The following PACRG variants were observed in gnomAD, a reference collection of about 807,000 sequenced individuals.
PACRG encodes parkin coregulated gene protein.
In PACRG, 29 loss-of-function variants were observed where a neutral mutation model predicts 29.7. The ratio of observed to expected loss-of-function variants is 0.98; its 90% CI spans 0.73 to 1.33. The LOEUF is 1.33. Among genes scored for constraint, PACRG ranks in the 40% most tolerant of loss-of-function variants. PACRG has a pLI of 0.00. For synonymous variants in PACRG, 116 were observed against 118.7 expected (o/e 0.98, Z 0.15); for missense variants, 279 against 316.2 (o/e 0.88, Z 0.89).
chr6:163,102,672 G>T (rs924234250), intron 4 of PACRG, among the ~76,000 whole-genome samples: 7 of 152,150 alleles, frequency 4.6e-5, no homozygotes, highest in Non-Finnish European at 1.0e-4. Context: ...CAACCAAAGC[G>T]CATTAGAGAC....
At chr6:162,972,692 C>T (rs899894088) in intron 2 of PACRG, among the ~76,000 whole-genome samples, 4 of 152,122 alleles carry the variant, frequency 2.6e-5, no homozygotes, top group African/African-American at 9.7e-5. Context: ...ACGAGAAGAT[C>T]CCATAACACA....
At chr6:162,898,945 A>G (rs988526731) in intron 2 of PACRG, among the ~76,000 whole-genome samples, 5 of 152,232 alleles carry the variant, frequency 3.3e-5, no homozygotes, top group Non-Finnish European at 7.3e-5. Context: ...TAGTATCTAG[A>G]CACATTATTT....
intron 1 of PACRG, among the ~76,000 whole-genome samples, chr6:162,735,512 A>C (rs557580374): frequency 6.6e-6 from 1 of 152,282 alleles, no homozygotes; most frequent in African/African-American, 2.4e-5. Context: ...ACTTCTTCAT[A>C]TATTTACTGT....
At chr6:163,101,177 A>G in intron 4 of PACRG, 2 of 984,228 alleles carry the variant, frequency 2.0e-6, no homozygotes, top group Non-Finnish European at 2.4e-6. Context: ...AAAACCCTAC[A>G]TTTCATCTTA....
chr6:163,174,475 GTTTT>G (rs1779249586), intron 4 of PACRG, among the ~76,000 whole-genome samples: 1 of 152,158 alleles, frequency 6.6e-6, no homozygotes, highest in Non-Finnish European at 1.5e-5. Flanking sequence ...ATATCACTTT[GTTTT>G]TACCATAGAG....
intron 1 of PACRG, among the ~76,000 whole-genome samples, chr6:162,771,652 A>G (rs1183103130): frequency 2.0e-5 from 3 of 152,180 alleles, no homozygotes; most frequent in Non-Finnish European, 4.4e-5. Flanking sequence ...CTGTCAAGAA[A>G]AAAAGAAATG....
chr6:163,294,784 T>A (rs1229981520), intron 4 of PACRG, among the ~76,000 whole-genome samples: 1 of 151,564 alleles, frequency 6.6e-6, no homozygotes, highest in Non-Finnish European at 1.5e-5. Flanking sequence ...AGGAAAACAG[T>A]TTTCATCTGA....
At chr6:162,825,933 A>AT (rs373165751) in intron 2 of PACRG, among the ~76,000 whole-genome samples, 6 of 151,430 alleles carry the variant, frequency 4.0e-5, no homozygotes, top group South Asian at 2.1e-4. Context: ...CTATGCATTT[A>AT]TTTATTTTAT....
chr6:162,792,354 G>A lies in PACRG; in HGVS notation c.157-21793G>A, dbSNP rs566188704. 2.6e-5 allele frequency among the ~76,000 whole-genome samples: 4 copies of A among 152,298 alleles called. No individual in the cohort carries two copies. The East Asian group carries it at 5.8e-4, about 22-fold the overall frequency. On this transcript the variant is annotated intron_variant, in intron 1 of 4. Transcript: ENST00000366888. The stretch of plus-strand genomic sequence containing the variant: ...AGAAGGGAAATAATTGGATTTTCAG[G>A]ATTTTATAGCGAAAGTTTCAGGGTT...
At chr6:163,076,440 T>A (rs1812549408) in intron 3 of PACRG, among the ~76,000 whole-genome samples, 1 of 152,120 alleles carries the variant, frequency 6.6e-6, no homozygotes, top group Admixed American at 6.5e-5. Context: ...TTTACCTGCT[T>A]TCTGCTGCCC....
At chr6:163,112,854 A>T (rs1021714664) in intron 4 of PACRG, among the ~76,000 whole-genome samples, 1 of 152,236 alleles carries the variant, frequency 6.6e-6, no homozygotes. Flanking sequence ...ATACAAAGAA[A>T]CAGGAAAGTA....
intron 4 of PACRG, among the ~76,000 whole-genome samples, chr6:163,158,718 G>T (rs907428573): frequency 6.6e-6 from 1 of 152,148 alleles, no homozygotes; most frequent in Non-Finnish European, 1.5e-5. Context: ...TCTTGAATTA[G>T]ACATTACTAG....
chr6:163,139,270 C>G (rs919394283), intron 4 of PACRG, among the ~76,000 whole-genome samples: 4 of 152,162 alleles, frequency 2.6e-5, no homozygotes, highest in African/African-American at 9.7e-5. Flanking sequence ...TGTCCAAATC[C>G]CCCTCTGCTT....
intron 2 of PACRG, among the ~76,000 whole-genome samples, chr6:163,020,132 T>G (rs1806477060): frequency 6.6e-6 from 1 of 152,236 alleles, no homozygotes; most frequent in South Asian, 2.1e-4. Context: ...ACATAATACT[T>G]TCAGTCTCTA....
At chr6:163,265,149 C>T (rs753161818) in intron 4 of PACRG, among the ~76,000 whole-genome samples, 1 of 152,178 alleles carries the variant, frequency 6.6e-6, no homozygotes, top group Non-Finnish European at 1.5e-5. Context: ...CAGGCATGTG[C>T]GAATGAGTGG....
intron 4 of PACRG, among the ~76,000 whole-genome samples, chr6:163,270,389 A>T (rs1222142691): frequency 2.0e-5 from 3 of 152,060 alleles, no homozygotes; most frequent in Non-Finnish European, 4.4e-5. Flanking sequence ...TTTAAATTTC[A>T]GTGATAAGGT....
intron 1 of PACRG, among the ~76,000 whole-genome samples, chr6:162,769,125 G>A (rs1358566458): frequency 6.6e-6 from 1 of 152,116 alleles, no homozygotes; most frequent in African/African-American, 2.4e-5. Context: ...CAGTAAAACA[G>A]CATATGGGGG....
intron 4 of PACRG, among the ~76,000 whole-genome samples, chr6:163,109,208 G>A (rs1038378948): frequency 1.3e-5 from 2 of 152,194 alleles, no homozygotes; most frequent in African/African-American, 4.8e-5. Flanking sequence ...GAATCCAATG[G>A]TGTACTCTTT....
chr6:162,882,251 A>G (rs1405482503), intron 2 of PACRG, among the ~76,000 whole-genome samples: 1 of 132,680 alleles, frequency 7.5e-6, no homozygotes, highest in Non-Finnish European at 1.6e-5. Flanking sequence ...AAGAATACAG[A>G]TCCAGGGGGC....
Sources: gnomAD v4.1 joint callset for allele counts (sites outside exome capture counted in the v4.1 genomes callset) on GRCh38, gnomAD v4.1.1 for gene constraint, MANE v1.5 for transcripts, NCBI Gene and HGNC (gene_info 2026-07-23, HGNC 2026-07-21) for gene names.